The following RAB11FIP3 variants were observed in gnomAD, a reference collection of about 807,000 sequenced individuals.
RAB11FIP3 encodes rab11 family-interacting protein 3.
A neutral mutation model predicts 77.8 loss-of-function variants in RAB11FIP3; 17 were observed. The observed-to-expected ratio is 0.22, with a 90% CI of 0.15 to 0.33. The LOEUF (loss-of-function observed/expected upper bound fraction) is 0.33. Among genes scored for constraint, RAB11FIP3 ranks in the 10% least tolerant of loss-of-function variants. RAB11FIP3 has a pLI of 1.00. For synonymous variants in RAB11FIP3, 437 were observed against 448.2 expected (o/e 0.98, Z 0.31); for missense variants, 1,005 against 1,011.2 (o/e 0.99, Z 0.08).
chr16:487,749 C>A (rs1285930753), intron 4 of RAB11FIP3, among the ~76,000 whole-genome samples: 1 of 152,194 alleles, frequency 6.6e-6, no homozygotes, highest in South Asian at 2.1e-4. Context: ...TTTCACATGG[C>A]CCCCGGCCGC....
chr16:510,947 G>C (rs1398653358), intron 9 of RAB11FIP3, 147 bp downstream of exon 9: 2 of 1,096,746 alleles, frequency 1.8e-6, no homozygotes, highest in Non-Finnish European at 2.5e-6. Context: ...AGGCCAGGTA[G>C]GAGAAGTTCC....
In RAB11FIP3 at chr16:465,558, C is replaced by T. The variant is rs374418663; in HGVS notation, c.808+4061C>T. The stretch of plus-strand genomic sequence containing the variant: ...TTGGCAAAACAGAGGGAAGTAGATG[C>T]GAGCTTAGAGGGGAGTGTGGGCGGC... On this transcript the variant is annotated intron_variant, in intron 2 of 13. Transcript: ENST00000262305. Among the ~76,000 whole-genome samples, 113 of 152,238 alleles carry T rather than the reference C, an allele frequency of 7.4e-4. No homozygotes were observed. In the East Asian group the frequency reaches 0.012, roughly 16 times the overall value.
chr16:439,427 T>C (rs530975335), intron 1 of RAB11FIP3: 1 of 152,348 alleles, frequency 6.6e-6, no homozygotes, highest in South Asian at 2.1e-4. Context: ...GGTATTACTC[T>C]GGTTACCATC....
rs1296003409 is a variant in RAB11FIP3 at position 471,931 on chromosome 16, C to G, written c.903+542C>G. 6.6e-6 allele frequency among the ~76,000 whole-genome samples: 1 copy of G among 152,114 alleles called. No homozygotes were observed. Among genetic ancestry groups the G allele is most frequent in the Non-Finnish European group, 1.5e-5 (1 of 68,018 alleles). ...ACAGAGCGTAACCATGTCCGCCGGT[C>G]TGGAGGGTTAGATTCCAGGAGAGCC... is the stretch of plus-strand genomic sequence containing the variant. On this transcript the variant is annotated intron_variant, in intron 3 of 13. Transcript: ENST00000262305. This position sits in a 1 kb window ranked among gnomAD's most constrained non-coding sequence, Gnocchi z 4.4.
At chr16:487,471 C>T (rs899856355) in intron 4 of RAB11FIP3, among the ~76,000 whole-genome samples, 7 of 152,120 alleles carry the variant, frequency 4.6e-5, no homozygotes, top group Non-Finnish European at 8.8e-5. Flanking sequence ...CTGAGCTGTC[C>T]CAGCAGTGGT....
chr16:482,396 T>G, intron 3 of RAB11FIP3, 129 bp from the exon 4 acceptor site: 1 of 849,936 alleles, frequency 1.2e-6, no homozygotes, highest in Middle Eastern at 2.2e-4. Flanking sequence ...TTAGAGACAG[T>G]TGGGACTTCA....
intron 5 of RAB11FIP3, among the ~76,000 whole-genome samples, chr16:490,373 T>G (rs965552165): frequency 2.0e-5 from 3 of 152,224 alleles, no homozygotes; most frequent in South Asian, 2.1e-4. Context: ...TCGGTCTTTT[T>G]GGGGGTTTTT....
chr16:456,439 CAA>C (rs548595166), intron 1 of RAB11FIP3, among the ~76,000 whole-genome samples: 26 of 105,250 alleles, frequency 2.5e-4, no homozygotes, highest in Non-Finnish European at 2.4e-4. Context: ...GACCCTGTCT[CAA>C]AAAAAAAAAA....
chr16:447,989 AAAG>A (rs553393672), intron 1 of RAB11FIP3, among the ~76,000 whole-genome samples: 194 of 128,654 alleles, frequency 1.5e-3, no homozygotes, highest in Middle Eastern at 4.5e-3. Flanking sequence ...AAAAAAGGAA[AAAG>A]AAAAAAAACT....
chr16:474,789 C>T (rs887381014), intron 3 of RAB11FIP3: 3 of 1,368,894 alleles, frequency 2.2e-6, no homozygotes, highest in Admixed American at 6.3e-5. Flanking sequence ...GTTTTTTAAA[C>T]CAGCAAGGAC....
At chr16:508,938 C>G (rs938524287) in intron 8 of RAB11FIP3, among the ~76,000 whole-genome samples, 1 of 148,956 alleles carries the variant, frequency 6.7e-6, no homozygotes, top group Non-Finnish European at 1.5e-5. Context: ...GAGTCTCACT[C>G]TGTTGCCCAG....
At chr16:520,425 C>A (rs748294316) in intron 12 of RAB11FIP3, 34 bp from the exon 13 acceptor site, 37 of 1,609,924 alleles carry the variant, frequency 2.3e-5, no homozygotes, top group Middle Eastern at 3.5e-4. Flanking sequence ...CCAGCAGGGG[C>A]CACAGCCCAG....
At chr16:488,018 G>A (rs938248111) in intron 4 of RAB11FIP3, among the ~76,000 whole-genome samples, 1 of 151,120 alleles carries the variant, frequency 6.6e-6, no homozygotes, top group Non-Finnish European at 1.5e-5. Flanking sequence ...GAGGGCACAC[G>A]AGTGAGGAGT....
At position 461,353 on chromosome 16, in the gene RAB11FIP3, G is replaced by T; in HGVS notation, c.715-51G>T. 1 of 1,481,020 alleles carries T rather than the reference G, an allele frequency of 6.8e-7. No individual in the cohort carries two copies. Among genetic ancestry groups the T allele is most frequent in the Non-Finnish European group, 9.3e-7 (1 of 1,071,680 alleles). The allele number at this position is 1,481,020 out of a possible 1,614,324, so 91.7% of individuals were successfully genotyped here. On this transcript the variant is annotated intron_variant, in intron 1 of 13. Coordinates refer to ENST00000262305, the MANE Select transcript of RAB11FIP3 (RefSeq NM_014700.4). The surrounding 1 kb of genome is among the most constrained non-coding windows in gnomAD (Gnocchi z 4.5). ...TCCCAGTCCGAGGTCCAGGGTTGGG[G>T]ACCCCTGCTGTAAAGGCTTAGGGTA... is the stretch of plus-strand genomic sequence containing the variant.
intron 5 of RAB11FIP3, among the ~76,000 whole-genome samples, chr16:492,397 C>CCGAGGCCGCCCAGAGCCCTTCCCG (rs2030478035): frequency 7.8e-6 from 1 of 127,740 alleles, no homozygotes; most frequent in Non-Finnish European, 1.7e-5. Flanking sequence ...GAGCCCTCCC[C>CCGAGGCCGCCCAGAGCCCTTCCCG]GGGAGACCCG....
chr16:427,210 C>T (rs1296792043), intron 1 of RAB11FIP3, among the ~76,000 whole-genome samples: 1 of 152,264 alleles, frequency 6.6e-6, no homozygotes, highest in Non-Finnish European at 1.5e-5. Flanking sequence ...AGTACAATTA[C>T]TTTACTGTGT....
At chr16:520,406 G>A (rs1440414902) in intron 12 of RAB11FIP3, 53 bp from the exon 13 acceptor site, 11 of 1,605,454 alleles carry the variant, frequency 6.9e-6, no homozygotes, top group Non-Finnish European at 9.4e-6. Context: ...CCTTGTCCCT[G>A]CTCAGCCACC....
chr16:464,274 G>A (rs1441876972), intron 2 of RAB11FIP3, among the ~76,000 whole-genome samples: 2 of 152,202 alleles, frequency 1.3e-5, no homozygotes, highest in Admixed American at 1.3e-4. Context: ...CCGTGTCTCA[G>A]TCTAACTGAT....
At chr16:497,951 A>T (rs990917222) in intron 6 of RAB11FIP3, among the ~76,000 whole-genome samples, 14 of 150,068 alleles carry the variant, frequency 9.3e-5, no homozygotes, top group African/African-American at 3.4e-4. Flanking sequence ...AAAAAAAAAA[A>T]AAAATTAAAA....
Sources: allele counts gnomAD v4.1 joint callset (sites outside exome capture counted in the v4.1 genomes callset), GRCh38; gene constraint gnomAD v4.1.1; non-coding constraint Gnocchi (gnomAD v3.1); transcripts MANE v1.5; gene names NCBI Gene and HGNC (gene_info 2026-07-23, HGNC 2026-07-21).